NCR1: variants seen among roughly 807,000 people sequenced by gnomAD.
NCR1 encodes natural cytotoxicity triggering receptor 1, also known as NK cell-activating receptor.
In NCR1, 30 loss-of-function variants were observed where a neutral mutation model predicts 32.5. The observed-to-expected ratio is 0.92, with a 90% confidence interval of 0.69 to 1.25. NCR1 has a LOEUF of 1.25. Ranked by LOEUF, NCR1 falls within the 50% of genes most tolerant of loss-of-function variation. The pLI is 0.00. For missense variants in NCR1, 369 were observed against 380.7 expected (o/e 0.97, Z 0.26); for synonymous variants, 169 against 143.4 (o/e 1.18, Z -1.28).
rs587745879 is a variant in NCR1 at position 54,909,913 on chromosome 19, C to T, written c.635-105C>T. 5.6e-4 allele frequency: 537 copies of T among 955,996 alleles called. 1 individual carries two copies. The African/African-American group carries it at 7.6e-3, about 14-fold the overall frequency. The allele number at this position is 955,996 out of a possible 1,614,324, so 59.2% of individuals were successfully genotyped here. Reference sequence around the variant, plus strand: ...TCATACCACCGCACTGCAACCTGGGCGACAGAGCAAGACTCCATCTCAAAA... The same window carrying T: ...TCATACCACCGCACTGCAACCTGGGTGACAGAGCAAGACTCCATCTCAAAA... On this transcript the variant is annotated intron_variant, in intron 4 of 6. Coordinates refer to ENST00000291890, the MANE Select transcript of NCR1 (RefSeq NM_004829.7).
chr19:54,935,847 G>A, the NCR1 span, among the ~76,000 whole-genome samples: 43 of 152,174 alleles, frequency 2.8e-4, no homozygotes, highest in African/African-American at 7.2e-4. Context: ...AGGCACCAAC[G>A]ATTAGCTCCT....
the NCR1 span, chr19:54,927,642 C>A: frequency 6.2e-7 from 1 of 1,614,092 alleles, no homozygotes; most frequent in South Asian, 1.1e-5. Flanking sequence ...TGTCTTAGAA[C>A]CCCAAAGAGC....
the NCR1 span, among the ~76,000 whole-genome samples, chr19:54,928,761 C>G: frequency 6.6e-6 from 1 of 151,862 alleles, no homozygotes; most frequent in Non-Finnish European, 1.5e-5. Flanking sequence ...ATAACTTACA[C>G]GAGGATCCCC....
downstream of NCR1, among the ~76,000 whole-genome samples, chr19:54,916,834 C>T (rs77081855): frequency 0.066 from 9,851 of 149,296 alleles, 444 homozygotes; most frequent in African/African-American, 0.12. Flanking sequence ...CCTCCAGAGT[C>T]GCTGGGATTA....
At chr19:54,934,500 C>G in the NCR1 span, 5 of 1,614,038 alleles carry the variant, frequency 3.1e-6, no homozygotes, top group Non-Finnish European at 4.2e-6. The surrounding 1 kb of genome is among the most constrained non-coding windows in gnomAD (Gnocchi z 6.7). Flanking sequence ...ACAACATCTG[C>G]AGGAAGTGTT....
the NCR1 span, chr19:54,927,512 C>A: frequency 1.9e-5 from 24 of 1,271,524 alleles, no homozygotes; most frequent in Non-Finnish European, 2.7e-5. Flanking sequence ...GCCAAGATTG[C>A]GCCACTGCAC....
the NCR1 span, among the ~76,000 whole-genome samples, chr19:54,928,201 T>C: frequency 1.3e-4 from 19 of 151,958 alleles, no homozygotes; most frequent in African/African-American, 4.1e-4. Context: ...GCCTGGGCAA[T>C]AGAATGAGAC....
At chr19:54,912,387 G>A (rs1409153849) in intron 6 of NCR1, among the ~76,000 whole-genome samples, 169 bp downstream of exon 6, 1 of 151,490 alleles carries the variant, frequency 6.6e-6, no homozygotes, top group Admixed American at 6.6e-5. Context: ...ATCTGAGGTC[G>A]GGAGTTCAAG....
chr19:54,923,018 C>T, the NCR1 span, among the ~76,000 whole-genome samples: 16 of 151,880 alleles, frequency 1.1e-4, no homozygotes, highest in Admixed American at 2.0e-4. Context: ...GGAGGCGGCC[C>T]GTGGGAGCCG....
downstream of NCR1, among the ~76,000 whole-genome samples, chr19:54,917,327 C>A (rs1255364177): frequency 1.3e-5 from 2 of 149,548 alleles, no homozygotes; most frequent in Non-Finnish European, 3.0e-5. Context: ...AAAACAAAAA[C>A]AAAAACAAAA....
the NCR1 span, among the ~76,000 whole-genome samples, chr19:54,931,490 G>C: frequency 6.6e-6 from 1 of 152,158 alleles, no homozygotes; most frequent in African/African-American, 2.4e-5. Flanking sequence ...GGGAGTTCAA[G>C]ACCAGCCTAA....
chr19:54,937,913 A>AAAAG, the NCR1 span: 1 of 760,402 alleles, frequency 1.3e-6, no homozygotes, highest in East Asian at 2.4e-5. Flanking sequence ...AAAAAAAAAA[A>AAAAG]AAAAAAAAGA....
At chr19:54,905,555 G>GA (rs770964619), upstream of NCR1, among the ~76,000 whole-genome samples, 1 of 152,112 alleles carries the variant, frequency 6.6e-6, no homozygotes, top group East Asian at 1.9e-4. Flanking sequence ...TACTTTTCAA[G>GA]AAAAATATGT....
downstream of NCR1, among the ~76,000 whole-genome samples, chr19:54,919,880 T>C (rs969843993): frequency 2.0e-5 from 3 of 152,208 alleles, no homozygotes; most frequent in Non-Finnish European, 4.4e-5. Context: ...TGTCCGGGCA[T>C]AACAGAAGGC....
chr19:54,910,185 C>T, intron 5 of NCR1, 120 bp downstream of exon 5: 1 of 985,350 alleles, frequency 1.0e-6, no homozygotes, highest in Middle Eastern at 2.2e-4. Flanking sequence ...GCCTGTAATC[C>T]CAGCACTTTG....
chr19:54,917,592 A>G (rs559106702), downstream of NCR1, among the ~76,000 whole-genome samples: 96 of 152,224 alleles, frequency 6.3e-4, no homozygotes, highest in African/African-American at 2.2e-3. Flanking sequence ...AAGTGCGAGG[A>G]TTACAGGCCC....
At chr19:54,938,148 G>A in the NCR1 span, 1 of 1,613,996 alleles carries the variant, frequency 6.2e-7, no homozygotes, top group East Asian at 2.2e-5. Context: ...ACTTGAGGTT[G>A]CTGTTTGAGC....
At chr19:54,915,764 C>G (rs2068118838), downstream of NCR1, 1 of 151,004 alleles carries the variant, frequency 6.6e-6, no homozygotes, top group Non-Finnish European at 1.5e-5. Flanking sequence ...ATCGCTTGAA[C>G]CTGGGAGGCG....
the NCR1 span, among the ~76,000 whole-genome samples, chr19:54,937,335 G>T: frequency 6.6e-6 from 1 of 151,856 alleles, no homozygotes; most frequent in Admixed American, 6.6e-5. Flanking sequence ...ACGGTTACCT[G>T]TGTAACTAAC....
Sources: allele counts gnomAD v4.1 joint callset (sites outside exome capture counted in the v4.1 genomes callset), GRCh38; gene constraint gnomAD v4.1.1; non-coding constraint Gnocchi (gnomAD v3.1); transcripts MANE v1.5; gene names NCBI Gene and HGNC (gene_info 2026-07-23, HGNC 2026-07-21).